Variants in DCLRE1A observed in about 807,000 individuals in gnomAD.
DCLRE1A encodes the protein DNA cross-link repair 1A, also known as DNA cross-link repair 1A protein.
DCLRE1A carries 64 observed loss-of-function variants against 91.9 expected under a neutral mutation model. The observed-to-expected ratio is 0.70, with a 90% CI of 0.57 to 0.86. The LOEUF (loss-of-function observed/expected upper bound fraction) is 0.86, where lower values mean the gene tolerates loss of function less well. DCLRE1A is among the 40% of genes least tolerant of loss of function. The pLI is 0.00. For missense variants in DCLRE1A, 1,145 were observed against 1,213.3 expected (o/e 0.94, Z 0.84); for synonymous variants, 416 against 431.1 (o/e 0.96, Z 0.43).
At position 113,850,638 on chromosome 10, in the gene DCLRE1A, G is replaced by T; in HGVS notation, c.467C>A (p.Pro156His). 3 of 1,579,340 alleles carry T rather than the reference G, an allele frequency of 1.9e-6. No homozygotes were observed. Among genetic ancestry groups the T allele is most frequent in the Non-Finnish European group, 2.6e-6 (3 of 1,162,438 alleles). Residue 156 changes from proline (P) to histidine (H), a missense_variant, in exon 2 of 9, where the codon CCT becomes CAT. Coordinates refer to ENST00000361384, the MANE Select transcript of DCLRE1A (RefSeq NM_014881.5). ...GGTTGAGGTACACAGAAGACCATCAGGACACTCTGAAATTTTAATAAAGAA... is the reference window on the plus strand; with the variant it reads ...GGTTGAGGTACACAGAAGACCATCATGACACTCTGAAATTTTAATAAAGAA... The part of the protein sequence containing the change: ...DSPPRSETEC[P>H]DGLLCTSTIP...
chr10:113,849,019 A>G lies in DCLRE1A; in HGVS notation c.2086T>C (p.Ser696Pro). 1 of 1,612,048 alleles carries G rather than the reference A, an allele frequency of 6.2e-7. No individual in the cohort carries two copies. The highest frequency in any genetic ancestry group is 8.5e-7 in the Non-Finnish European group (1 of 1,179,510). The change falls in exon 2 of 9, where the codon TCA (serine) becomes CCA (proline). Residue 696 changes from serine (S) to proline (P), a missense_variant. Ser to Pro is a moderately conservative substitution (Grantham distance 74). Coordinates refer to ENST00000361384, the MANE Select transcript of DCLRE1A (RefSeq NM_014881.5). ...TAGAATGGACATGTCTTTTTTCTTG[A>G]TCCTCCTACATTAGATGACTCTGGG... ...KIPESSNVGG[S>P]RKKTCPFYKK...
chr10:113,844,198 C>A lies in DCLRE1A; in HGVS notation c.2425G>T (p.Val809Phe). 6.2e-7 allele frequency: 1 copy of A among 1,614,138 alleles called. No homozygotes were observed. Among genetic ancestry groups the A allele is most frequent in the Non-Finnish European group, 8.5e-7 (1 of 1,180,012 alleles). Residue 809 changes from valine to phenylalanine, a missense_variant, in exon 5 of 9, where the codon GTC (valine) becomes TTC (phenylalanine). Physicochemically the swap from Val to Phe is conservative, Grantham distance 50 (BLOSUM62 -1). Transcript: ENST00000361384. ...CTGAAGTCTCCCGTGTGTAATATGACAGTACCATTAGGAAGATAAAAGAGG... is the reference window on the plus strand; with the variant it reads ...CTGAAGTCTCCCGTGTGTAATATGAAAGTACCATTAGGAAGATAAAAGAGG... Reference protein sequence around the residue: ...MILFYLPNGTVILHTGDFRAD... With the variant: ...MILFYLPNGTFILHTGDFRAD...
At chr10:113,847,386 A>G in intron 2 of DCLRE1A, 51 bp from the exon 3 acceptor site, 1 of 1,597,332 alleles carries the variant, frequency 6.3e-7, no homozygotes, top group Non-Finnish European at 8.5e-7. Flanking sequence ...AAGATACCCA[A>G]TTTGATTATA....
intron 5 of DCLRE1A, 33 bp downstream of exon 5, chr10:113,844,071 G>T (rs1845489258): frequency 6.2e-7 from 1 of 1,611,412 alleles, no homozygotes; most frequent in African/African-American, 1.3e-5. Flanking sequence ...CTGTCAGTGG[G>T]AAAAGGAAAC....
chr10:113,838,231 TAGTTA>T (rs971215654), intron 7 of DCLRE1A, among the ~76,000 whole-genome samples: 57 of 152,320 alleles, frequency 3.7e-4, no homozygotes, highest in African/African-American at 1.2e-3. Context: ...CTCTAGGACC[TAGTTA>T]ATGTAATATT....
At chr10:113,841,180 A>G (rs1564842136) in intron 7 of DCLRE1A, among the ~76,000 whole-genome samples, 1 of 152,186 alleles carries the variant, frequency 6.6e-6, no homozygotes, top group East Asian at 1.9e-4. Flanking sequence ...CTTCCTATAT[A>G]TTAGTTCTCT....
At chr10:113,843,967 A>C (rs930688390) in intron 5 of DCLRE1A, 137 bp downstream of exon 5, 2 of 1,214,614 alleles carry the variant, frequency 1.6e-6, no homozygotes, top group Non-Finnish European at 2.2e-6. Context: ...AAGTATATAC[A>C]TATTTTTCAA....
intron 8 of DCLRE1A, among the ~76,000 whole-genome samples, chr10:113,836,496 C>A (rs888413925): frequency 3.9e-5 from 6 of 152,002 alleles, no homozygotes; most frequent in African/African-American, 1.5e-4. Flanking sequence ...GAAAAAATAA[C>A]ACACCGTTTA....
At position 113,852,976 on chromosome 10, in the gene DCLRE1A, A is replaced by G; in HGVS notation, c.207T>C (p.Asn69=). 2 of 1,614,158 alleles carry G rather than the reference A, an allele frequency of 1.2e-6. No individual in the cohort carries two copies. The highest frequency in any genetic ancestry group is 1.7e-6 in the Non-Finnish European group (2 of 1,180,028). The change falls in exon 1 of 9, where the codon AAT becomes AAC. Residue 69 remains asparagine, a synonymous_variant. Coordinates refer to ENST00000361384, the MANE Select transcript of DCLRE1A (RefSeq NM_014881.5). ...AAGCAACAGAAGTCTGACAACCTGC[A>G]TTTCCAAGGGGCACTTCATGGTCCT... The part of the protein sequence containing the change: ...EVKDHEVPLG[N]AGCQTSVASS...
chr10:113,850,446 G>C lies in DCLRE1A; in HGVS notation c.659C>G (p.Thr220Ser). The C allele has an allele frequency of 6.2e-7, 1 of 1,614,198 alleles. No homozygotes were observed. The highest frequency in any genetic ancestry group is 8.5e-7 in the Non-Finnish European group (1 of 1,180,016). Residue 220 changes from threonine to serine, a missense_variant, in exon 2 of 9, where the codon ACT becomes AGT. Transcript: ENST00000361384. ...GGGATCATTTGAAACCGAGTTATCA[G>C]TTTGGTTCTGATACGAAGACCATCT... is the stretch of plus-strand genomic sequence containing the variant. Reference protein sequence around the residue: ...EERWSSYQNQTDNSVSNDPLL... With the variant: ...EERWSSYQNQSDNSVSNDPLL...
Position 113,852,881 on chromosome 10 carries a change from A to C in DCLRE1A, c.302T>G (p.Leu101Arg). The change falls in exon 1 of 9, where the codon CTC becomes CGC. Residue 101 changes from leucine (L) to arginine (R), a missense_variant. By Grantham distance (102) the Leu-to-Arg change is moderately radical (BLOSUM62 -2). Coordinates refer to ENST00000361384, the MANE Select transcript of DCLRE1A (RefSeq NM_014881.5). ...GTGTTGGCTTTTTTGAGTTCTACAGAGTTTTCCTGGAGTAGTTTCCTTGTC... is the reference window on the plus strand; with the variant it reads ...GTGTTGGCTTTTTTGAGTTCTACAGCGTTTTCCTGGAGTAGTTTCCTTGTC... Reference protein sequence around the residue: ...TQDKETTPGKLCRTQKSQHVS... With the variant: ...TQDKETTPGKRCRTQKSQHVS... 6.2e-7 allele frequency: 1 copy of C among 1,614,090 alleles called. No homozygotes were observed. Among genetic ancestry groups the C allele is most frequent in the Non-Finnish European group, 8.5e-7 (1 of 1,180,020 alleles).
rs1271789320 is a variant in DCLRE1A, at chr10:113,842,384, AC to A, written c.2623del (p.Val875SerfsTer14). On this transcript the variant is annotated frameshift_variant, in exon 6 of 9. Transcript: ENST00000361384. LOFTEE classifies it high-confidence loss of function. ...AVTLNPHALV[V>X]CGTYSIGKEK... Reference sequence around the variant, plus strand: ...TTTTCCAATAGAGTAAGTGCCACAGACAACAAGAGCATGTGGGTTTAGAGTT... The same window carrying A: ...TTTTCCAATAGAGTAAGTGCCACAGAAACAAGAGCATGTGGGTTTAGAGTT... 1 of 1,613,698 alleles carries A rather than the reference AC, an allele frequency of 6.2e-7. No individual in the cohort carries two copies. The highest frequency in any genetic ancestry group is 1.3e-5 in the African/African-American group (1 of 74,932).
intron 7 of DCLRE1A, among the ~76,000 whole-genome samples, chr10:113,839,858 G>A (rs749157864): frequency 5.3e-5 from 8 of 152,076 alleles, no homozygotes; most frequent in South Asian, 2.1e-4. Context: ...AATCCTAGAC[G>A]TGGAAACATA....
rs1275495079 is a variant in DCLRE1A, at chr10:113,835,284, G to T, written c.2991C>A (p.Tyr997Ter). The T allele has an allele frequency of 6.2e-7, 1 of 1,611,848 alleles. No individual in the cohort carries two copies. Among genetic ancestry groups the T allele is most frequent in the African/African-American group, 1.3e-5 (1 of 74,762 alleles). ...ACTGGACAAAGCGCTTCATTTCTAG[G>T]TAGCTGCTGTGTTCACTGTAAGGAA... ...YGIPYSEHSSYLEMKRFVQWL... is the reference protein window; with the variant it reads ...YGIPYSEHSS The change falls in exon 9 of 9, where the codon TAC becomes TAA. Residue 997 changes from tyrosine to a stop codon, truncating the protein, a stop_gained. Transcript: ENST00000361384. LOFTEE classifies it high-confidence loss of function.
At chr10:113,837,606 T>C (rs188416020) in intron 7 of DCLRE1A, among the ~76,000 whole-genome samples, 53 of 152,296 alleles carry the variant, frequency 3.5e-4, no homozygotes, top group African/African-American at 1.2e-3. Flanking sequence ...CAAAAGGGGA[T>C]AGCTAGGTGG....
At chr10:113,839,098 G>A (rs1382234598) in intron 7 of DCLRE1A, among the ~76,000 whole-genome samples, 1 of 152,086 alleles carries the variant, frequency 6.6e-6, no homozygotes, top group Non-Finnish European at 1.5e-5. Context: ...GGCCAAGGCG[G>A]GCAGATCACG....
chr10:113,839,019 G>T (rs368209805), intron 7 of DCLRE1A, among the ~76,000 whole-genome samples: 1 of 152,012 alleles, frequency 6.6e-6, no homozygotes, highest in Non-Finnish European at 1.5e-5. Context: ...CTCCATCTGC[G>T]TTTTGGAGGT....
Position 113,852,882 on chromosome 10 carries a change from GT to G in DCLRE1A, c.300del (p.Lys100AsnfsTer33). ...QTQDKETTPG[K>X]LCRTQKSQHV... ...TGTTGGCTTTTTTGAGTTCTACAGA[GT>G]TTTCCTGGAGTAGTTTCCTTGTCTT... On this transcript the variant is annotated frameshift_variant, in exon 1 of 9. Transcript: ENST00000361384. LOFTEE classifies it high-confidence loss of function. 1 of 1,614,134 alleles carries G rather than the reference GT, an allele frequency of 6.2e-7. No individual in the cohort carries two copies.
At position 113,840,854 on chromosome 10, in the gene DCLRE1A, TAA is replaced by T. The variant is rs199612851; in HGVS notation, c.2820+550_2820+551del. On this transcript the variant is annotated intron_variant, in intron 7 of 8. Transcript: ENST00000361384. ...GAATAAACGTTAGTTAGTATATGAA[TAA>T]GTCTGACAAATAAGCCCCCAAATCC... 5.6e-4 allele frequency among the ~76,000 whole-genome samples: 85 copies of T among 152,348 alleles called. No homozygotes were observed. The East Asian group carries it at 0.015, about 27-fold the overall frequency.
Sources: gnomAD v4.1 joint callset for allele counts (sites outside exome capture counted in the v4.1 genomes callset) on GRCh38, gnomAD v4.1.1 for gene constraint, MANE v1.5 for transcripts, NCBI Gene and HGNC (gene_info 2026-07-23, HGNC 2026-07-21) for gene names.